DLG2: variants seen among roughly 807,000 people sequenced by gnomAD.
DLG2 encodes disks large homolog 2.
DLG2 carries 45 observed loss-of-function variants against 132.5 expected under a neutral mutation model. That is an observed-to-expected ratio of 0.34 (90% confidence interval 0.27 to 0.44). DLG2 has a LOEUF of 0.44. DLG2 is among the 20% of genes least tolerant of loss of function. DLG2 has a pLI of 1.00. For missense variants in DLG2, 1,045 were observed against 1,196.9 expected, an observed-to-expected ratio of 0.87 and a Z score of 1.87; for synonymous variants, 424 against 419.6, an observed-to-expected ratio of 1.01 and a Z score of -0.13.
intron 9 of DLG2, among the ~76,000 whole-genome samples, chr11:84,141,053 T>C (rs1219274464): frequency 2.0e-5 from 3 of 152,152 alleles, no homozygotes; most frequent in Non-Finnish European, 2.9e-5. Flanking sequence ...AAAAGAGCCA[T>C]TGTAGAGTGA....
At chr11:84,586,738 C>G (rs893305656) in intron 6 of DLG2, among the ~76,000 whole-genome samples, 18 of 151,846 alleles carry the variant, frequency 1.2e-4, no homozygotes, top group African/African-American at 2.4e-4. Flanking sequence ...TTTTATTCCT[C>G]TACTAATTTG....
At chr11:83,819,102 C>A (rs1417561860) in intron 17 of DLG2, among the ~76,000 whole-genome samples, 1 of 152,052 alleles carries the variant, frequency 6.6e-6, no homozygotes, top group South Asian at 2.1e-4. Flanking sequence ...TCTATATGTG[C>A]CTGATGATGA....
chr11:83,519,187 G>T (rs1426953413), intron 21 of DLG2, among the ~76,000 whole-genome samples: 1 of 152,224 alleles, frequency 6.6e-6, no homozygotes, highest in East Asian at 1.9e-4. Context: ...TGGTTCTGCA[G>T]CGGGGTGTAC....
At chr11:83,703,611 T>C (rs904544013) in intron 18 of DLG2, among the ~76,000 whole-genome samples, 1 of 152,162 alleles carries the variant, frequency 6.6e-6, no homozygotes, top group African/African-American at 2.4e-5. Context: ...ATAGCACCAC[T>C]GCACTCCAGC....
At chr11:85,524,254 T>C (rs117907111) in intron 3 of DLG2, among the ~76,000 whole-genome samples, 4,619 of 152,272 alleles carry the variant, frequency 0.03, 119 homozygotes, top group South Asian at 0.047. Context: ...AACTGGATTA[T>C]TTGTCACACA....
At chr11:85,440,718 T>C (rs1057391057) in intron 3 of DLG2, among the ~76,000 whole-genome samples, 6 of 152,192 alleles carry the variant, frequency 3.9e-5, no homozygotes, top group Non-Finnish European at 8.8e-5. Context: ...ACAACCATAT[T>C]ATCATCTTGT....
At chr11:83,632,447 C>A (rs1441229077) in intron 19 of DLG2, 1 of 152,080 alleles carries the variant, frequency 6.6e-6, no homozygotes, top group Non-Finnish European at 1.5e-5. Context: ...TCACTTTCTT[C>A]CTTTTGCCTG....
At chr11:84,958,213 A>G (rs773093144) in intron 6 of DLG2, among the ~76,000 whole-genome samples, 6 of 152,154 alleles carry the variant, frequency 3.9e-5, no homozygotes, top group Non-Finnish European at 8.8e-5. Flanking sequence ...CTTTATTCAT[A>G]TATATTTCCT....
intron 6 of DLG2, among the ~76,000 whole-genome samples, chr11:85,107,551 T>C (rs966536360): frequency 6.6e-6 from 1 of 152,020 alleles, no homozygotes; most frequent in Non-Finnish European, 1.5e-5. Context: ...TGCTAATTCT[T>C]AGCCTAGTTC....
chr11:85,073,975 C>A lies in DLG2; in HGVS notation c.357+37686G>T, dbSNP rs2066197416. Among the ~76,000 whole-genome samples, 4 of 151,784 alleles carry A rather than the reference C, an allele frequency of 2.6e-5. 1 individual carries two copies. In the South Asian group the frequency reaches 6.2e-4, roughly 24 times the overall value. On this transcript the variant is annotated intron_variant, in intron 6 of 27. Coordinates refer to ENST00000376104, the MANE Select transcript of DLG2 (RefSeq NM_001142699.3). The stretch of plus-strand genomic sequence containing the variant: ...CCTGAATGTATCTGAAGGCCATTAT[C>A]CAAGTGAACCAACACAGGAACAGAA...
At chr11:85,423,193 T>C (rs552358767) in intron 3 of DLG2, among the ~76,000 whole-genome samples, 12 of 152,300 alleles carry the variant, frequency 7.9e-5, no homozygotes, top group African/African-American at 2.9e-4. Context: ...AGCTGAGCTG[T>C]AGTGACTATT....
chr11:84,151,482 T>A (rs1271796441), intron 9 of DLG2, among the ~76,000 whole-genome samples: 2 of 152,160 alleles, frequency 1.3e-5, no homozygotes, highest in African/African-American at 4.8e-5. Context: ...ATCTTGTTTA[T>A]CTTTTTAAAG....
intron 10 of DLG2, among the ~76,000 whole-genome samples, chr11:84,096,511 A>C (rs1207241253): frequency 6.6e-6 from 1 of 152,182 alleles, no homozygotes; most frequent in Non-Finnish European, 1.5e-5. Flanking sequence ...AAACATATAT[A>C]AACATATAAC....
intron 6 of DLG2, among the ~76,000 whole-genome samples, chr11:84,731,282 T>C (rs1266280962): frequency 6.6e-6 from 1 of 152,052 alleles, no homozygotes; most frequent in East Asian, 1.9e-4. Flanking sequence ...TTGAAGTATC[T>C]ACTATGTGCT....
chr11:84,727,172 G>T (rs1467373246), intron 6 of DLG2, among the ~76,000 whole-genome samples: 1 of 152,130 alleles, frequency 6.6e-6, no homozygotes, highest in African/African-American at 2.4e-5. Context: ...CTTTGCCCAT[G>T]CCTATGTCCT....
chr11:85,325,293 C>A (rs548189472), intron 3 of DLG2, among the ~76,000 whole-genome samples: 1 of 152,222 alleles, frequency 6.6e-6, no homozygotes, highest in African/African-American at 2.4e-5. Flanking sequence ...GCCTGTCTGC[C>A]TCTGTAGGCT....
intron 11 of DLG2, among the ~76,000 whole-genome samples, chr11:84,057,677 T>C (rs2096526779): frequency 6.6e-6 from 1 of 152,212 alleles, no homozygotes; most frequent in Non-Finnish European, 1.5e-5. Context: ...ATAGTACAGA[T>C]AACATGCATA....
intron 6 of DLG2, among the ~76,000 whole-genome samples, chr11:84,991,243 C>T (rs1263038145): frequency 6.6e-6 from 1 of 152,110 alleles, no homozygotes; most frequent in Non-Finnish European, 1.5e-5. Flanking sequence ...GGCATAGTGG[C>T]CAGTGCCTGT....
chr11:84,207,782 A>C (rs1242878710), intron 8 of DLG2, among the ~76,000 whole-genome samples: 1 of 152,212 alleles, frequency 6.6e-6, no homozygotes, highest in African/African-American at 2.4e-5. Context: ...TTTTATAAAC[A>C]ACATGATAAA....
Sources: allele counts gnomAD v4.1 joint callset (sites outside exome capture counted in the v4.1 genomes callset), GRCh38; gene constraint gnomAD v4.1.1; transcripts MANE v1.5; gene names NCBI Gene and HGNC (gene_info 2026-07-23, HGNC 2026-07-21).